The following MDGA2 variants were observed in gnomAD, a reference collection of about 807,000 sequenced individuals.
The protein encoded by MDGA2 is MAM domain containing glycosylphosphatidylinositol anchor 2.
A neutral mutation model predicts 117.8 loss-of-function variants in MDGA2; 40 were observed. The ratio of observed to expected loss-of-function variants is 0.34; its 90% CI spans 0.26 to 0.44. The LOEUF (loss-of-function observed/expected upper bound fraction) is 0.44, where lower values mean the gene tolerates loss of function less well. Ranked by LOEUF, MDGA2 falls within the 20% of genes least tolerant of loss-of-function variation. The probability of loss-of-function intolerance (pLI) is 1.00; values close to 1 mark genes in which losing one functional copy is unlikely to be tolerated. For missense variants in MDGA2, 1,123 were observed against 1,250.6 expected (o/e 0.90, Z 1.54); for synonymous variants, 452 against 439.0 (o/e 1.03, Z -0.37).
chr14:47,253,709 G>A (rs1221698843), intron 2 of MDGA2, among the ~76,000 whole-genome samples: 1 of 152,138 alleles, frequency 6.6e-6, no homozygotes, highest in Admixed American at 6.5e-5. Context: ...GGAGGATGGT[G>A]GCCCTCTTCT....
rs1888519541 is a variant in MDGA2, at chr14:47,027,592, G to A, written c.1819+7419C>T. 2.7e-5 allele frequency among the ~76,000 whole-genome samples: 4 copies of A among 149,294 alleles called. No homozygotes were observed. The Admixed American group carries it at 2.7e-4, about 10-fold the overall frequency. ...TAAACTGATCTTCTTTTCAGATAAT[G>A]TATAGTCAATTGCTCTATCTGAAGA... On this transcript the variant is annotated intron_variant, in intron 8 of 16. Transcript: ENST00000399232.
chr14:47,238,825 T>C lies in MDGA2; in HGVS notation c.421-20630A>G, dbSNP rs983995978. 7.3e-5 allele frequency among the ~76,000 whole-genome samples: 11 copies of C among 151,664 alleles called. 1 individual carries two copies. The highest frequency in any genetic ancestry group is 2.1e-4 in the South Asian group (1 of 4,802). On this transcript the variant is annotated intron_variant, in intron 2 of 16. Coordinates refer to ENST00000399232, the MANE Select transcript of MDGA2 (RefSeq NM_001113498.3). ...AAATAAAACAACCCAAAATACACTG[T>C]TTTTAGTAAAACTATGACTAATGCA...
At chr14:46,993,395 C>T (rs1004152139) in intron 8 of MDGA2, among the ~76,000 whole-genome samples, 18 of 152,018 alleles carry the variant, frequency 1.2e-4, no homozygotes, top group Non-Finnish European at 2.5e-4. Context: ...AACATTTACA[C>T]CACTGATGAT....
At chr14:47,086,818 GAATT>G (rs1252646614) in intron 6 of MDGA2, among the ~76,000 whole-genome samples, 3 of 152,046 alleles carry the variant, frequency 2.0e-5, no homozygotes, top group African/African-American at 7.2e-5. Context: ...TCCCTAATCA[GAATT>G]AATTGTTTCT....
At chr14:47,398,832 G>C (rs1031226011) in intron 1 of MDGA2, among the ~76,000 whole-genome samples, 1 of 152,048 alleles carries the variant, frequency 6.6e-6, no homozygotes, top group Non-Finnish European at 1.5e-5. Flanking sequence ...GTAGTACAAA[G>C]TTTGTAAGAT....
intron 8 of MDGA2, among the ~76,000 whole-genome samples, chr14:46,957,901 G>C (rs533246862): frequency 6.6e-6 from 1 of 152,062 alleles, no homozygotes; most frequent in Non-Finnish European, 1.5e-5. Context: ...CTGATCCTTC[G>C]TACCTCTTTC....
intron 1 of MDGA2, among the ~76,000 whole-genome samples, chr14:47,538,865 T>C (rs1177410935): frequency 6.6e-6 from 1 of 152,156 alleles, no homozygotes; most frequent in Non-Finnish European, 1.5e-5. Context: ...CTCTCTCCCA[T>C]ATATATTATA....
In MDGA2 at chr14:47,335,734, T is replaced by TTTTATATATATATATATATA. The variant is rs1255206359; in HGVS notation, c.281-34185_281-34184insTATATATATATATATATAAA. Reference sequence around the variant, plus strand: ...ACACATACACATGCACACATATATTTTATATATATATATACATACATACAT... The same window carrying TTTTATATATATATATATATA: ...ACACATACACATGCACACATATATTTTTTATATATATATATATATATATATATATATATACATACATACAT... On this transcript the variant is annotated intron_variant, in intron 1 of 16. Coordinates refer to ENST00000399232, the MANE Select transcript of MDGA2 (RefSeq NM_001113498.3). Among the ~76,000 whole-genome samples the TTTTATATATATATATATATA allele has an allele frequency of 6.9e-4, 33 of 48,002 alleles. 1 individual carries two copies. Among genetic ancestry groups the TTTTATATATATATATATATA allele is most frequent in the Non-Finnish European group, 1.1e-3 (27 of 23,798 alleles). The allele number at this position is 48,002 out of a possible 152,430, so 31.5% of individuals were successfully genotyped here.
At chr14:47,664,883 C>T (rs758405129) in intron 1 of MDGA2, among the ~76,000 whole-genome samples, 15 of 152,194 alleles carry the variant, frequency 9.9e-5, no homozygotes, top group Non-Finnish European at 1.2e-4. Flanking sequence ...AGATAACTGT[C>T]CTACCTTCTG....
chr14:47,546,697 C>T (rs1256990208), intron 1 of MDGA2, among the ~76,000 whole-genome samples: 1 of 152,154 alleles, frequency 6.6e-6, no homozygotes, highest in Non-Finnish European at 1.5e-5. Flanking sequence ...GACCAGGGAT[C>T]TGGCCATCAA....
chr14:47,126,779 T>C (rs1279897939), intron 5 of MDGA2, among the ~76,000 whole-genome samples: 6 of 152,156 alleles, frequency 3.9e-5, no homozygotes, highest in African/African-American at 1.4e-4. Context: ...TGCCAGGAAG[T>C]CTAGTTCAGC....
At position 47,342,892 on chromosome 14, in the gene MDGA2, A is replaced by G. The variant is rs1465447346; in HGVS notation, c.281-41342T>C. 9.7e-6 allele frequency: 4 copies of G among 412,198 alleles called. No individual in the cohort carries two copies. The East Asian group carries it at 3.0e-4, about 31-fold the overall frequency. 25.5% of individuals were successfully genotyped at this position (412,198 alleles called of 1,614,324 possible). The stretch of plus-strand genomic sequence containing the variant: ...GGCTAGGTTCCGTGTGGGGGAAAAA[A>G]GAGGAAAGGAACTCATTTCATACTT... On this transcript the variant is annotated intron_variant, in intron 1 of 16. Coordinates refer to ENST00000399232, the MANE Select transcript of MDGA2 (RefSeq NM_001113498.3).
At chr14:47,469,467 G>A (rs903092066) in intron 1 of MDGA2, among the ~76,000 whole-genome samples, 4 of 152,068 alleles carry the variant, frequency 2.6e-5, no homozygotes, top group South Asian at 2.1e-4. Context: ...ATCCATGTCC[G>A]TACAAAGGAC....
In MDGA2 at chr14:47,654,143, G is replaced by A. The variant is rs531513984; in HGVS notation, c.280+20374C>T. 1.2e-4 allele frequency among the ~76,000 whole-genome samples: 19 copies of A among 152,214 alleles called. No homozygotes were observed. The South Asian group carries it at 3.5e-3, about 28-fold the overall frequency. ...TACAAATTGTGTAAAAATTCCTTAG[G>A]TTCAGGTACAGAACTTAATTATAAG... On this transcript the variant is annotated intron_variant, in intron 1 of 16. Transcript: ENST00000399232.
intron 1 of MDGA2, among the ~76,000 whole-genome samples, chr14:47,620,605 T>C (rs1180155946): frequency 6.6e-6 from 1 of 152,250 alleles, no homozygotes; most frequent in Non-Finnish European, 1.5e-5. Context: ...AAATTTTGTC[T>C]ATTCCAATTT....
At chr14:47,524,514 C>A (rs1399556617) in intron 1 of MDGA2, among the ~76,000 whole-genome samples, 1 of 152,108 alleles carries the variant, frequency 6.6e-6, no homozygotes, top group Non-Finnish European at 1.5e-5. Flanking sequence ...ATCTGAGTGT[C>A]CTGAAAAGGG....
At chr14:47,647,392 A>G (rs1245937105) in intron 1 of MDGA2, among the ~76,000 whole-genome samples, 3 of 152,054 alleles carry the variant, frequency 2.0e-5, no homozygotes, top group African/African-American at 7.2e-5. Context: ...TTTTCCTTAT[A>G]ATAGTAGGCA....
At position 47,068,865 on chromosome 14, in the gene MDGA2, C is replaced by T. The variant is rs1237262845; in HGVS notation, c.1196-7287G>A. ...GAGACTAACTTAATCTAAAATCTTTCGTTACCTTTCTTGAGCTTTTTTGTT... is the reference window on the plus strand; with the variant it reads ...GAGACTAACTTAATCTAAAATCTTTTGTTACCTTTCTTGAGCTTTTTTGTT... On this transcript the variant is annotated intron_variant, in intron 6 of 16. Transcript: ENST00000399232. 2.6e-5 allele frequency among the ~76,000 whole-genome samples: 4 copies of T among 152,086 alleles called. 1 individual carries two copies. Among genetic ancestry groups the T allele is most frequent in the Non-Finnish European group, 4.4e-5 (3 of 68,020 alleles).
chr14:47,076,530 A>C (rs544967833), intron 6 of MDGA2, among the ~76,000 whole-genome samples: 18 of 146,858 alleles, frequency 1.2e-4, no homozygotes, highest in African/African-American at 4.6e-4. Context: ...ATATATGTGT[A>C]TGAGTGTGTG....
Sources: allele counts gnomAD v4.1 joint callset (sites outside exome capture counted in the v4.1 genomes callset), GRCh38; gene constraint gnomAD v4.1.1; transcripts MANE v1.5; gene names NCBI Gene and HGNC (gene_info 2026-07-23, HGNC 2026-07-21).